The following ITPR3 variants were observed in gnomAD, a reference collection of about 807,000 sequenced individuals.
ITPR3 encodes the protein inositol 1,4,5-trisphosphate-gated calcium channel ITPR3.
In ITPR3, 173 loss-of-function variants were observed where a neutral mutation model predicts 293.2. The ratio of observed to expected loss-of-function variants is 0.59; its 90% CI spans 0.52 to 0.67. The LOEUF (loss-of-function observed/expected upper bound fraction) is 0.67, where lower values mean the gene tolerates loss of function less well. ITPR3 is among the 30% of genes least tolerant of loss of function. ITPR3 has a pLI of 0.00. For synonymous variants in ITPR3, 1,295 were observed against 1,444.4 expected, an observed-to-expected ratio of 0.90 and a Z score of 2.35; for missense variants, 2,796 against 3,592.1, an observed-to-expected ratio of 0.78 and a Z score of 5.66.
At chr6:33,690,226 G>C in intron 51 of ITPR3, 28 bp downstream of exon 51, 1 of 1,606,602 alleles carries the variant, frequency 6.2e-7, no homozygotes, top group Middle Eastern at 1.7e-4. Flanking sequence ...GGCTGGGGCT[G>C]GATGGGGGCA....
chr6:33,682,464 C>G lies in ITPR3; in HGVS notation c.4477-60C>G, dbSNP rs1457791252. The G allele has an allele frequency of 6.8e-7, 1 of 1,463,978 alleles. No individual in the cohort carries two copies. The highest frequency in any genetic ancestry group is 9.0e-7 in the Non-Finnish European group (1 of 1,109,178). The allele number at this position is 1,463,978 out of a possible 1,614,324, so 90.7% of individuals were successfully genotyped here. A position where few individuals can be genotyped will look rare whatever the true frequency, so the allele number is the denominator to read the frequency against. ...TTCTGATTGGGCCCTGGTTCCTGGA[C>G]CTGGGGTTGCCCAGGGTGGGGGCCT... On this transcript the variant is annotated intron_variant, in intron 33 of 57. Transcript: ENST00000605930. The surrounding 1 kb of genome is among the most constrained non-coding windows in gnomAD (Gnocchi z 5.4).
Position 33,678,695 on chromosome 6 carries a change from C to T in ITPR3, c.3828C>T (p.Ser1276=), listed in dbSNP as rs369909440. 3.0e-5 allele frequency: 49 copies of T among 1,612,972 alleles called. 1 individual carries two copies. The highest frequency in any genetic ancestry group is 1.6e-4 in the Middle Eastern group (1 of 6,062). ...HIFLNNYQLC[S]EISEPVLQHF... ...TCCTGAACAACTATCAGCTCTGCTC[C>T]GAGATCAGCGAGCCTGTGTTGCAGC... Residue 1276 remains serine (S), a synonymous_variant, in exon 30 of 58, where the codon TCC becomes TCT. Transcript: ENST00000605930.
rs749338 is a variant in ITPR3, at chr6:33,685,671, C to T, written c.5511C>T (p.Gly1837=). 0.46 allele frequency: 734,197 copies of T among 1,592,014 alleles called. 180,619 individuals are homozygous for T. Among genetic ancestry groups the T allele is most frequent in the East Asian group, 0.84 (37,317 of 44,556 alleles). ...KGRVASFSIP[G]SSSRYSLGPS... ...GCGTGGCCTCCTTCTCGATACCTGG[C>T]TCCTCATCCCGCTACTCGCTGGGCC... Residue 1837 remains glycine, a synonymous_variant, in exon 41 of 58, where the codon GGC becomes GGT. Coordinates refer to ENST00000605930, the MANE Select transcript of ITPR3 (RefSeq NM_002224.4).
In ITPR3 at chr6:33,684,699, C is replaced by A. The variant is rs1270575811; in HGVS notation, c.5137+11C>A. On this transcript the variant is annotated intron_variant, in intron 38 of 57. Transcript: ENST00000605930. The surrounding 1 kb of genome is among the most constrained non-coding windows in gnomAD (Gnocchi z 4.2). ...ACCCCATAGGCACTGGTCAGTATCA[C>A]CTTCCCCTGCCCCCGGGCCCTCCCT... is the stretch of plus-strand genomic sequence containing the variant. 6.2e-7 allele frequency: 1 copy of A among 1,613,410 alleles called. No individual in the cohort carries two copies. The highest frequency in any genetic ancestry group is 1.3e-5 in the African/African-American group (1 of 75,050).
Position 33,671,250 on chromosome 6 carries a change from T to C in ITPR3, c.2672T>C (p.Ile891Thr). ...CGGCTCACTCGCACACTGCTGGGCATCATCGACTGTGTGCAGGGGCCCCCG... is the reference window on the plus strand; with the variant it reads ...CGGCTCACTCGCACACTGCTGGGCACCATCGACTGTGTGCAGGGGCCCCCG... ...LLRLTRTLLG[I>T]IDCVQGPPAM... Residue 891 changes from isoleucine to threonine, a missense_variant, in exon 21 of 58, where the codon ATC becomes ACC. Coordinates refer to ENST00000605930, the MANE Select transcript of ITPR3 (RefSeq NM_002224.4). 1 of 1,613,700 alleles carries C rather than the reference T, an allele frequency of 6.2e-7. No individual in the cohort carries two copies. Among genetic ancestry groups the C allele is most frequent in the Admixed American group, 1.7e-5 (1 of 60,028 alleles).
At chr6:33,635,757 T>C (rs75746833) in intron 1 of ITPR3, among the ~76,000 whole-genome samples, 1,697 of 150,072 alleles carry the variant, frequency 0.011, 13 homozygotes, top group Middle Eastern at 0.02. Context: ...TAGAGGGTTC[T>C]GGGCAGAGGA....
At chr6:33,637,995 G>A (rs1330704219) in intron 1 of ITPR3, among the ~76,000 whole-genome samples, 1 of 150,174 alleles carries the variant, frequency 6.7e-6, no homozygotes, top group Non-Finnish European at 1.5e-5. Flanking sequence ...CACGTTTTTT[G>A]TTTTGTTTTG....
chr6:33,671,918 G>A, intron 21 of ITPR3, 111 bp from the exon 22 acceptor site: 1 of 1,070,428 alleles, frequency 9.3e-7, no homozygotes, highest in Non-Finnish European at 1.4e-6. Context: ...GCTTTGCCCT[G>A]CAGCTGACAT....
At chr6:33,659,397 T>A (rs1764398067) in intron 6 of ITPR3, 69 bp from the exon 7 acceptor site, 3 of 1,392,940 alleles carry the variant, frequency 2.2e-6, no homozygotes, top group Admixed American at 3.5e-5. Context: ...CTTCTTCCCT[T>A]CAGCCCTGCT....
intron 28 of ITPR3, 93 bp from the exon 29 acceptor site, chr6:33,678,328 G>A (rs1764966365): frequency 5.5e-6 from 8 of 1,458,090 alleles, no homozygotes; most frequent in Non-Finnish European, 7.6e-6. Flanking sequence ...CCAGTCCCAA[G>A]CCCGACCCAC....
At chr6:33,680,509 G>T in intron 32 of ITPR3, 46 bp from the exon 33 acceptor site, 1 of 1,610,428 alleles carries the variant, frequency 6.2e-7, no homozygotes, top group South Asian at 1.1e-5. Flanking sequence ...GGGAGTGGAG[G>T]GGCCCCATGT....
In ITPR3 at chr6:33,691,820, C is replaced by G. The variant is rs779761957; in HGVS notation, c.7350C>G (p.Ser2450Arg). 6.2e-7 allele frequency: 1 copy of G among 1,614,114 alleles called. No homozygotes were observed. Among genetic ancestry groups the G allele is most frequent in the Non-Finnish European group, 8.5e-7 (1 of 1,180,006 alleles). ...EVLEEDRELD[S>R]TERACDTLLM... is the part of the protein sequence containing the mutation. The stretch of plus-strand genomic sequence containing the variant: ...TTGCAGAGGACAGGGAGCTGGACAG[C>G]ACAGAGCGGGCCTGTGACACTCTGT... Residue 2450 changes from serine (S) to arginine (R), a missense_variant, in exon 54 of 58, where the codon AGC (serine) becomes AGG (arginine). Around this residue, in one of 8 missense-constraint regions of ITPR3, gnomAD observed 568 missense variants for 796.1 expected, o/e 0.71. Transcript: ENST00000605930. The surrounding 1 kb of genome is among the most constrained non-coding windows in gnomAD (Gnocchi z 4.9).
Position 33,683,388 on chromosome 6 carries a change from G to A in ITPR3, c.4779G>A (p.Glu1593=), listed in dbSNP as rs1409500240. The A allele has an allele frequency of 1.9e-6, 3 of 1,570,750 alleles. 1 individual carries two copies. The Admixed American group carries it at 5.4e-5, about 28-fold the overall frequency. The change falls in exon 35 of 58, where the codon GAG becomes GAA. Residue 1593 remains glutamate (E), a synonymous_variant. Transcript: ENST00000605930. The surrounding 1 kb of genome is among the most constrained non-coding windows in gnomAD (Gnocchi z 4.5). The part of the protein sequence containing the change: ...ANQWDYKNII[E]KLQDIITALE... The stretch of plus-strand genomic sequence containing the variant: ...AGTGGGACTACAAGAACATCATTGA[G>A]AAGCTGCAGGTGGGTGTGGGGCTGC...
In ITPR3 at chr6:33,692,981, C is replaced by A; in HGVS notation, c.7624+88C>A. 1 of 1,308,798 alleles carries A rather than the reference C, an allele frequency of 7.6e-7. No homozygotes were observed. Among genetic ancestry groups the A allele is most frequent in the Non-Finnish European group, 1.1e-6 (1 of 937,138 alleles). The allele number at this position is 1,308,798 out of a possible 1,614,324, so 81.1% of individuals were successfully genotyped here. A position where few individuals can be genotyped will look rare whatever the true frequency, so the allele number is the denominator to read the frequency against. ...GGCAGTAGCGGTTTGGCCCTTCCTG[C>A]CCTGGGGAACCCTGGCCCGGAGCTG... On this transcript the variant is annotated intron_variant, in intron 55 of 57. Transcript: ENST00000605930. The surrounding 1 kb of genome is among the most constrained non-coding windows in gnomAD (Gnocchi z 4.2).
chr6:33,666,048 C>A lies in ITPR3; in HGVS notation c.1551+72C>A, dbSNP rs572989609. The A allele has an allele frequency of 3.3e-6, 5 of 1,509,076 alleles. 2 individuals carry two copies. In the Admixed American group the frequency reaches 1.0e-4, roughly 30 times the overall value. 93.5% of individuals were successfully genotyped at this position (1,509,076 alleles called of 1,614,324 possible). ...AGAGGGATGCCTTCAACTGCAGGCT[C>A]ATCCCCCGCTTTAACAAAAATCAGT... On this transcript the variant is annotated intron_variant, in intron 14 of 57. Coordinates refer to ENST00000605930, the MANE Select transcript of ITPR3 (RefSeq NM_002224.4). This position sits in a 1 kb window ranked among gnomAD's most constrained non-coding sequence, Gnocchi z 5.1.
chr6:33,656,199 T>A lies in ITPR3; in HGVS notation c.282+312T>A, dbSNP rs539689819. On this transcript the variant is annotated intron_variant, in intron 3 of 57. Transcript: ENST00000605930. ...CGCAAGAGATTGGTGTGAATTGCTG[T>A]GAAGGAGGGGATGTGGGGGGAGTAG... is the stretch of plus-strand genomic sequence containing the variant. Among the ~76,000 whole-genome samples the A allele has an allele frequency of 8.5e-5, 13 of 152,238 alleles. No homozygotes were observed. In the East Asian group the frequency reaches 1.9e-3, roughly 23 times the overall value.
chr6:33,631,575 A>G (rs1763679811), intron 1 of ITPR3, among the ~76,000 whole-genome samples: 1 of 152,330 alleles, frequency 6.6e-6, no homozygotes, highest in Non-Finnish European at 1.5e-5. Flanking sequence ...AACCAGGAGT[A>G]CGGGAGGAGC....
intron 1 of ITPR3, among the ~76,000 whole-genome samples, chr6:33,636,738 G>A (rs971410647): frequency 2.0e-5 from 3 of 151,980 alleles, no homozygotes; most frequent in Non-Finnish European, 4.4e-5. Flanking sequence ...TTAGATCTCC[G>A]AGGCTGGAGT....
Position 33,682,677 on chromosome 6 carries a change from C to A in ITPR3, c.4597+33C>A. 1.9e-6 allele frequency: 3 copies of A among 1,573,274 alleles called. No homozygotes were observed. Among genetic ancestry groups the A allele is most frequent in the Non-Finnish European group, 1.7e-6 (2 of 1,164,626 alleles). ...TGCCGGGGCACTGGCCAGCCCCAAA[C>A]CACTCCTCCTGCCGCTCACAGTGGG... is the stretch of plus-strand genomic sequence containing the variant. On this transcript the variant is annotated intron_variant, in intron 34 of 57. Coordinates refer to ENST00000605930, the MANE Select transcript of ITPR3 (RefSeq NM_002224.4). The surrounding 1 kb of genome is among the most constrained non-coding windows in gnomAD (Gnocchi z 5.4).
Sources: allele counts gnomAD v4.1 joint callset (sites outside exome capture counted in the v4.1 genomes callset), GRCh38; gene constraint gnomAD v4.1.1; regional missense constraint gnomAD v4.1.1; non-coding constraint Gnocchi (gnomAD v3.1); transcripts MANE v1.5; gene names NCBI Gene and HGNC (gene_info 2026-07-23, HGNC 2026-07-21).